CASZ1: variants seen among roughly 807,000 people sequenced by gnomAD.
The protein encoded by CASZ1 is zinc finger protein castor homolog 1.
A neutral mutation model predicts 135.2 loss-of-function variants in CASZ1; 28 were observed. The observed-to-expected ratio is 0.21, with a 90% CI of 0.15 to 0.28. CASZ1 has a LOEUF of 0.28. CASZ1 is among the 10% of genes least tolerant of loss of function. The probability of loss-of-function intolerance (pLI) is 1.00; values close to 1 mark genes in which losing one functional copy is unlikely to be tolerated. For missense variants in CASZ1, 2,161 were observed against 2,453.3 expected (o/e 0.88, Z 2.52); for synonymous variants, 1,068 against 1,073.4 (o/e 0.99, Z 0.10).
chr1:10,754,258 C>T (rs573549207), intron 2 of CASZ1, among the ~76,000 whole-genome samples: 29 of 152,330 alleles, frequency 1.9e-4, no homozygotes, highest in African/African-American at 3.8e-4. Flanking sequence ...TCCCACGCAT[C>T]GCCATCCAGC....
At position 10,667,574 on chromosome 1, in the gene CASZ1, G is replaced by A. The variant is rs186908751; in HGVS notation, c.17-2003C>T. ...GCTGCCCAGCAGGTTCTGTGACGCC[G>A]GGTGTCCTCCAACAGGCCTCCGGGG... On this transcript the variant is annotated intron_variant, in intron 4 of 20. Transcript: ENST00000377022. Among the ~76,000 whole-genome samples the A allele has an allele frequency of 4.4e-3, 673 of 152,302 alleles. 2 individuals carry two copies. The highest frequency in any genetic ancestry group is 7.8e-3 in the Non-Finnish European group (533 of 68,014).
chr1:10,790,950 A>G (rs1640946425), intron 1 of CASZ1, among the ~76,000 whole-genome samples: 1 of 152,124 alleles, frequency 6.6e-6, no homozygotes, highest in Non-Finnish European at 1.5e-5. Context: ...TGTAAAGGGT[A>G]GATCATAAAA....
chr1:10,740,960 C>CAAAA lies in CASZ1; in HGVS notation c.-77+19737_-77+19740dup, dbSNP rs374464130. ...GCGACAGGGTGAGACCCTGTCTGGACAAAAAAAAAAAAAAAAAGAAAAAAA... is the reference window on the plus strand; with the variant it reads ...GCGACAGGGTGAGACCCTGTCTGGACAAAAAAAAAAAAAAAAAAAAAGAAAAAAA... On this transcript the variant is annotated intron_variant, in intron 2 of 20. Transcript: ENST00000377022. Among the ~76,000 whole-genome samples the CAAAA allele has an allele frequency of 4.3e-3, 266 of 61,470 alleles. 22 individuals are homozygous for CAAAA. The East Asian group carries it at 0.11, about 25-fold the overall frequency. 40.3% of individuals were successfully genotyped at this position (61,470 alleles called of 152,430 possible).
intron 2 of CASZ1, among the ~76,000 whole-genome samples, chr1:10,749,034 G>A (rs1640100469): frequency 6.6e-6 from 1 of 152,192 alleles, no homozygotes; most frequent in Non-Finnish European, 1.5e-5. Context: ...CCCTGCGGCT[G>A]CTGCGTCCCA....
intron 5 of CASZ1, among the ~76,000 whole-genome samples, chr1:10,662,926 C>T (rs1309469505): frequency 1.3e-5 from 2 of 152,242 alleles, no homozygotes; most frequent in Non-Finnish European, 2.9e-5. Flanking sequence ...GGACCCACCT[C>T]TTCCGCACAT....
At position 10,741,445 on chromosome 1, in the gene CASZ1, G is replaced by A. The variant is rs1057222187; in HGVS notation, c.-77+19256C>T. On this transcript the variant is annotated intron_variant, in intron 2 of 20. Coordinates refer to ENST00000377022, the MANE Select transcript of CASZ1 (RefSeq NM_001079843.3). The surrounding 1 kb of genome is among the most constrained non-coding windows in gnomAD (Gnocchi z 5.0). ...ACAAGCTCCAGCACTGGCCCAGGCTGAGGGTGCTCAGCGCACACAGCTCTC... is the reference window on the plus strand; with the variant it reads ...ACAAGCTCCAGCACTGGCCCAGGCTAAGGGTGCTCAGCGCACACAGCTCTC... 1.2e-4 allele frequency among the ~76,000 whole-genome samples: 18 copies of A among 152,200 alleles called. 1 individual carries two copies. The highest frequency in any genetic ancestry group is 4.1e-4 in the African/African-American group (17 of 41,452).
chr1:10,669,121 C>T (rs140704272), intron 4 of CASZ1, among the ~76,000 whole-genome samples: 345 of 152,344 alleles, frequency 2.3e-3, no homozygotes, highest in Middle Eastern at 0.01. Context: ...TCCACCTTTC[C>T]GGGCACTAAG....
At chr1:10,754,658 T>C (rs1295272891) in intron 2 of CASZ1, among the ~76,000 whole-genome samples, 1 of 152,206 alleles carries the variant, frequency 6.6e-6, no homozygotes, top group Non-Finnish European at 1.5e-5. Context: ...GACCCATCTC[T>C]GTGTCACCAG....
At chr1:10,744,359 G>C (rs532894395) in intron 2 of CASZ1, among the ~76,000 whole-genome samples, 1 of 151,474 alleles carries the variant, frequency 6.6e-6, no homozygotes, top group Non-Finnish European at 1.5e-5. Context: ...CCACGAGCAG[G>C]CATGTCCTGG....
At chr1:10,752,390 G>A (rs1640165527) in intron 2 of CASZ1, among the ~76,000 whole-genome samples, 1 of 152,202 alleles carries the variant, frequency 6.6e-6, no homozygotes, top group Admixed American at 6.5e-5. Context: ...GCCTCACCAG[G>A]GAAGGCGGTC....
At position 10,694,447 on chromosome 1, in the gene CASZ1, G is replaced by C. The variant is rs1217786241; in HGVS notation, c.-23-535C>G. 2 of 297,874 alleles carry C rather than the reference G, an allele frequency of 6.7e-6. No individual in the cohort carries two copies. Among genetic ancestry groups the C allele is most frequent in the Non-Finnish European group, 1.0e-5 (2 of 191,264 alleles). The allele number at this position is 297,874 out of a possible 1,614,324, so 18.5% of individuals were successfully genotyped here. A position where few individuals can be genotyped will look rare whatever the true frequency, so the allele number is the denominator to read the frequency against. On this transcript the variant is annotated intron_variant, in intron 3 of 20. Transcript: ENST00000377022. The surrounding 1 kb of genome is among the most constrained non-coding windows in gnomAD (Gnocchi z 6.6). Reference sequence around the variant, plus strand: ...CCTGCCGGTAACACTCAGGGTAACAGTTTGGCAGGAGGGAGCGGGCGGGCG... The same window carrying C: ...CCTGCCGGTAACACTCAGGGTAACACTTTGGCAGGAGGGAGCGGGCGGGCG...
rs1642860012 is a variant in CASZ1, at chr1:10,657,853, G to T, written c.1409+655C>A. On this transcript the variant is annotated intron_variant, in intron 7 of 20. Coordinates refer to ENST00000377022, the MANE Select transcript of CASZ1 (RefSeq NM_001079843.3). The surrounding 1 kb of genome is among the most constrained non-coding windows in gnomAD (Gnocchi z 5.7). ...TTTGGGGGAATCTGTTGAGGCAAAG[G>T]CTCTTCACTGCCAATCCCACTGCCT... Among the ~76,000 whole-genome samples the T allele has an allele frequency of 6.6e-6, 1 of 152,098 alleles. No homozygotes were observed. The highest frequency in any genetic ancestry group is 1.5e-5 in the Non-Finnish European group (1 of 67,998).
rs1450078810 is a variant in CASZ1, at chr1:10,694,903, G to C, written c.-23-991C>G. On this transcript the variant is annotated intron_variant, in intron 3 of 20. Transcript: ENST00000377022. This position sits in a 1 kb window ranked among gnomAD's most constrained non-coding sequence, Gnocchi z 6.6. ...TCTTGCCGGCCGCCGGCGGCCGCGC[G>C]CGCGCTCGCATGCTGCCAGCGGCCG... is the stretch of plus-strand genomic sequence containing the variant. 2.1e-5 allele frequency among the ~76,000 whole-genome samples: 3 copies of C among 143,534 alleles called. No homozygotes were observed. The highest frequency in any genetic ancestry group is 6.9e-5 in the Admixed American group (1 of 14,582). The allele number at this position is 143,534 out of a possible 152,430, so 94.2% of individuals were successfully genotyped here. A position where few individuals can be genotyped will look rare whatever the true frequency, so the allele number is the denominator to read the frequency against.
At position 10,726,382 on chromosome 1, in the gene CASZ1, C is replaced by T. The variant is rs1039813696; in HGVS notation, c.-76-20838G>A. Among the ~76,000 whole-genome samples, 16 of 152,196 alleles carry T rather than the reference C, an allele frequency of 1.1e-4. No homozygotes were observed. Among genetic ancestry groups the T allele is most frequent in the African/African-American group, 3.4e-4 (14 of 41,444 alleles). ...GGATGCCGCCATCCTCAGCCTACTC[C>T]GTATCTCCTTTCAGAAGATGCTATG... is the stretch of plus-strand genomic sequence containing the variant. On this transcript the variant is annotated intron_variant, in intron 2 of 20. Transcript: ENST00000377022. The surrounding 1 kb of genome is among the most constrained non-coding windows in gnomAD (Gnocchi z 5.7).
chr1:10,738,757 G>T (rs987126316), intron 2 of CASZ1, among the ~76,000 whole-genome samples: 87 of 152,280 alleles, frequency 5.7e-4, no homozygotes, highest in Non-Finnish European at 2.9e-5. Flanking sequence ...GCCTTTAAAA[G>T]AATTTTCATT....
chr1:10,771,609 T>TC (rs1640578411), intron 1 of CASZ1, among the ~76,000 whole-genome samples: 1 of 152,160 alleles, frequency 6.6e-6, no homozygotes, highest in Non-Finnish European at 1.5e-5. Context: ...TGGAGGCACC[T>TC]AAGCAAAGCC....
chr1:10,665,716 G>T, intron 4 of CASZ1, 145 bp from the exon 5 acceptor site: 1 of 870,638 alleles, frequency 1.1e-6, no homozygotes, highest in Non-Finnish European at 1.7e-6. Context: ...TGCCTGGCAT[G>T]TGTCTATCTC....
intron 20 of CASZ1, 114 bp from the exon 21 acceptor site, chr1:10,640,173 G>A (rs773077535): frequency 2.1e-5 from 31 of 1,464,130 alleles, no homozygotes; most frequent in Non-Finnish European, 2.5e-5. Context: ...CGGCATTTAG[G>A]GAGCCCTCGG....
intron 2 of CASZ1, among the ~76,000 whole-genome samples, chr1:10,718,462 AG>A (rs1315949647): frequency 5.9e-5 from 9 of 152,254 alleles, no homozygotes; most frequent in Non-Finnish European, 1.0e-4. Context: ...GGACTCCCCC[AG>A]ACTCCATAAA....
Sources: gnomAD v4.1 joint callset for allele counts (sites outside exome capture counted in the v4.1 genomes callset) on GRCh38, gnomAD v4.1.1 for gene constraint, Gnocchi (gnomAD v3.1) non-coding constraint, MANE v1.5 for transcripts, NCBI Gene and HGNC (gene_info 2026-07-23, HGNC 2026-07-21) for gene names.